Variants in SLC8A1 observed in about 807,000 individuals in gnomAD.
SLC8A1 encodes sodium/calcium exchanger 1.
In SLC8A1, 18 loss-of-function variants were observed where a neutral mutation model predicts 68.3. The observed-to-expected ratio is 0.26, with a 90% CI of 0.18 to 0.39. SLC8A1 has a LOEUF of 0.39. SLC8A1 is among the 10% of genes least tolerant of loss of function. The pLI is 1.00. For missense variants in SLC8A1, 985 were observed against 1,156.7 expected (o/e 0.85, Z 2.15); for synonymous variants, 475 against 415.5 (o/e 1.14, Z -1.74).
At chr2:40,277,788 A>G (rs1163879072) in intron 2 of SLC8A1, among the ~76,000 whole-genome samples, 16 of 79,350 alleles carry the variant, frequency 2.0e-4, no homozygotes, top group South Asian at 5.7e-4. Context: ...ATATATATAT[A>G]TGTGTGTATA....
At chr2:40,489,401 T>A (rs77660755) in intron 1 of SLC8A1, among the ~76,000 whole-genome samples, 1,566 of 152,044 alleles carry the variant, frequency 0.01, 12 homozygotes, top group Non-Finnish European at 0.015. Flanking sequence ...AAAAATAGAC[T>A]CCACACAAAG....
At chr2:40,180,566 T>C (rs1386861776) in intron 2 of SLC8A1, among the ~76,000 whole-genome samples, 2 of 152,196 alleles carry the variant, frequency 1.3e-5, no homozygotes, top group African/African-American at 2.4e-5. Context: ...TGGACAATAA[T>C]AGGGCCACGC....
intron 1 of SLC8A1, among the ~76,000 whole-genome samples, chr2:40,443,165 A>C (rs1474668328): frequency 6.6e-6 from 1 of 152,118 alleles, no homozygotes; most frequent in African/African-American, 2.4e-5. Context: ...GCAGAGCTTA[A>C]AACCTAGATG....
chr2:40,302,193 A>C (rs1249326011), intron 2 of SLC8A1, among the ~76,000 whole-genome samples: 1 of 151,878 alleles, frequency 6.6e-6, no homozygotes, highest in East Asian at 1.9e-4. Context: ...CACTGCACCC[A>C]GCCCCAATTT....
At chr2:40,112,847 C>T (rs2034728744) in exon 8 of SLC8A1, 1 of 152,214 alleles carries the variant, frequency 6.6e-6, no homozygotes, top group Non-Finnish European at 1.5e-5. Context: ...ATCTGCAAGT[C>T]GGTCAAAGAT....
chr2:40,303,650 C>T (rs529876032), intron 2 of SLC8A1, among the ~76,000 whole-genome samples: 17 of 152,102 alleles, frequency 1.1e-4, no homozygotes, highest in Admixed American at 9.8e-4. Flanking sequence ...AGTTATAAGC[C>T]GAAATAAAGT....
chr2:40,181,035 C>T (rs977791769), intron 2 of SLC8A1, among the ~76,000 whole-genome samples: 1 of 151,938 alleles, frequency 6.6e-6, no homozygotes, highest in Admixed American at 6.6e-5. Flanking sequence ...TCTCGGCTTA[C>T]TGCAACCTCC....
intron 2 of SLC8A1, among the ~76,000 whole-genome samples, chr2:40,309,105 G>C (rs1157587409): frequency 2.0e-5 from 3 of 152,072 alleles, no homozygotes; most frequent in Non-Finnish European, 4.4e-5. Flanking sequence ...AACCTGTTTT[G>C]TTATTGTTGA....
At chr2:40,163,797 T>C (rs1352106950) in intron 5 of SLC8A1, among the ~76,000 whole-genome samples, 7 of 152,192 alleles carry the variant, frequency 4.6e-5, no homozygotes, top group Admixed American at 2.6e-4. Flanking sequence ...CCACTTTAAT[T>C]TCAAAGACAT....
chr2:40,301,187 G>A (rs1452171844), intron 2 of SLC8A1, among the ~76,000 whole-genome samples: 1 of 152,144 alleles, frequency 6.6e-6, no homozygotes, highest in Non-Finnish European at 1.5e-5. Context: ...TGAATTCTAT[G>A]TGCTGAGAAT....
chr2:40,437,302 T>A (rs1699620356), intron 1 of SLC8A1, among the ~76,000 whole-genome samples: 1 of 152,142 alleles, frequency 6.6e-6, no homozygotes, highest in Admixed American at 6.6e-5. Flanking sequence ...CCCACCTGAA[T>A]AAATGTGTGT....
intron 2 of SLC8A1, among the ~76,000 whole-genome samples, chr2:40,359,338 C>T (rs1334186721): frequency 6.6e-6 from 1 of 151,954 alleles, no homozygotes; most frequent in East Asian, 1.9e-4. Context: ...TTTTTTAAGA[C>T]GACTCCTAGA....
chr2:40,488,061 A>G (rs553141733), intron 1 of SLC8A1, among the ~76,000 whole-genome samples: 48 of 152,216 alleles, frequency 3.2e-4, no homozygotes, highest in Non-Finnish European at 4.4e-4. Context: ...TTCAGATAGA[A>G]ATGAGTATCT....
chr2:40,164,649 G>T (rs1005213), intron 5 of SLC8A1, among the ~76,000 whole-genome samples: 89,738 of 151,924 alleles, frequency 0.59, 27,850 homozygotes, highest in Non-Finnish European at 0.71. Flanking sequence ...GCCCTGGTTC[G>T]GATGCTGTTT....
exon 2 of SLC8A1, chr2:40,428,855 T>G: frequency 6.2e-7 from 1 of 1,613,888 alleles, no homozygotes. Flanking sequence ...ATACCCACTC[T>G]GATTTCCTTC....
rs536658503 is a variant in SLC8A1 at position 40,135,705 on chromosome 2, G to A, written c.2437+3696C>T. Among the ~76,000 whole-genome samples, 5 of 152,060 alleles carry A rather than the reference G, an allele frequency of 3.3e-5. No individual in the cohort carries two copies. The East Asian group carries it at 9.7e-4, about 29-fold the overall frequency. On this transcript the variant is annotated intron_variant, in intron 7 of 7. Coordinates refer to ENST00000406785, the Ensembl canonical transcript of SLC8A1. ...TGCACTCCAGCCTGGGCGACAGAGCGAGTCTCCATCTTAAAAAAACATAAA... is the reference window on the plus strand; with the variant it reads ...TGCACTCCAGCCTGGGCGACAGAGCAAGTCTCCATCTTAAAAAAACATAAA...
chr2:40,287,274 A>C lies in SLC8A1; in HGVS notation c.1809-109419T>G, dbSNP rs549551691. Among the ~76,000 whole-genome samples the C allele has an allele frequency of 3.9e-5, 6 of 152,320 alleles. No homozygotes were observed. The South Asian group carries it at 1.2e-3, about 32-fold the overall frequency. ...ATAATAATTAGAGAACAATACAAGC[A>C]AGTTTAGGTGTAGAATTCAGTGGCT... is the stretch of plus-strand genomic sequence containing the variant. On this transcript the variant is annotated intron_variant, in intron 2 of 7. Coordinates refer to ENST00000406785, the Ensembl canonical transcript of SLC8A1.
At chr2:40,504,036 A>G (rs1347676263) in intron 1 of SLC8A1, among the ~76,000 whole-genome samples, 1 of 152,098 alleles carries the variant, frequency 6.6e-6, no homozygotes, top group Non-Finnish European at 1.5e-5. Flanking sequence ...GAGGAATCAC[A>G]TTACCTGGCT....
chr2:40,174,934 G>A (rs2048207661), intron 3 of SLC8A1, 92 bp from the exon 5 acceptor site: 5 of 1,154,286 alleles, frequency 4.3e-6, no homozygotes, highest in Non-Finnish European at 5.1e-6. Flanking sequence ...ACCCACCCAA[G>A]GTACTTGCCA....
Sources: gnomAD v4.1 joint callset for allele counts (sites outside exome capture counted in the v4.1 genomes callset) on GRCh38, gnomAD v4.1.1 for gene constraint, MANE v1.5 for transcripts, NCBI Gene and HGNC (gene_info 2026-07-23, HGNC 2026-07-21) for gene names.